Variants in MTMR14 observed in about 807,000 individuals in gnomAD.
MTMR14 encodes myotubularin related protein 14, also known as phosphatidylinositol-3,5-bisphosphate 3-phosphatase MTMR14.
In MTMR14, 48 loss-of-function variants were observed where a neutral mutation model predicts 86.3. The ratio of observed to expected loss-of-function variants is 0.56; its 90% CI spans 0.44 to 0.71. MTMR14 has a LOEUF of 0.71. Ranked by LOEUF, MTMR14 falls within the 30% of genes least tolerant of loss-of-function variation. The pLI is 0.00. For missense variants in MTMR14, 780 were observed against 834.6 expected, an observed-to-expected ratio of 0.93 and a Z score of 0.81; for synonymous variants, 366 against 326.1, an observed-to-expected ratio of 1.12 and a Z score of -1.32.
intron 3 of MTMR14, among the ~76,000 whole-genome samples, chr3:9,664,703 A>C (rs1280458599): frequency 1.3e-5 from 2 of 152,218 alleles, no homozygotes; most frequent in Admixed American, 6.5e-5. Flanking sequence ...AAATTAAAAC[A>C]ATTGAACTCA....
intron 17 of MTMR14, among the ~76,000 whole-genome samples, chr3:9,696,962 G>A (rs747627388): frequency 2.4e-4 from 37 of 152,130 alleles, no homozygotes; most frequent in Admixed American, 5.9e-4. Context: ...AGGGGGGTTG[G>A]CTGTGAGTGG....
rs553599437 is a variant in MTMR14 at position 9,687,812 on chromosome 3, C to T, written c.1165-9C>T. On this transcript the variant is annotated splice_polypyrimidine_tract_variant and intron_variant, in intron 13 of 18. Coordinates refer to ENST00000296003, the MANE Select transcript of MTMR14 (RefSeq NM_001077525.3). ...TTCTCATTGTGCGCTGCTCTTTGGTCTCCTTTAGATTTTCTTCTTCTGCTT... is the reference window on the plus strand; with the variant it reads ...TTCTCATTGTGCGCTGCTCTTTGGTTTCCTTTAGATTTTCTTCTTCTGCTT... 5 of 1,567,768 alleles carry T rather than the reference C, an allele frequency of 3.2e-6. No homozygotes were observed. The East Asian group carries it at 6.9e-5, about 22-fold the overall frequency.
At chr3:9,693,938 C>T (rs191715465) in intron 17 of MTMR14, among the ~76,000 whole-genome samples, 26 of 152,328 alleles carry the variant, frequency 1.7e-4, no homozygotes, top group South Asian at 1.0e-3. Flanking sequence ...TCTATTTCCC[C>T]GTAGTTTGTT....
intron 3 of MTMR14, among the ~76,000 whole-genome samples, chr3:9,663,662 C>T (rs1287973938): frequency 4.3e-5 from 6 of 140,562 alleles, no homozygotes; most frequent in African/African-American, 1.1e-4. Context: ...TACAGGCACC[C>T]GCCACCACGC....
Position 9,690,022 on chromosome 3 carries a change from G to A in MTMR14, c.1492G>A (p.Glu498Lys). ...CCTCTGGAACCGGCCACAACCCTCA[G>A]AGGACCGCTTGCCTTCCCAGCAGGG... ...SVLWNRPQPSEDRLPSQQGLA... is the reference protein window; with the variant it reads ...SVLWNRPQPSKDRLPSQQGLA... Residue 498 changes from glutamate to lysine, a missense_variant, in exon 17 of 19, where the codon GAG (glutamate) becomes AAG (lysine). Physicochemically the swap from Glu to Lys is moderately conservative, Grantham distance 56 (BLOSUM62 1). Coordinates refer to ENST00000296003, the MANE Select transcript of MTMR14 (RefSeq NM_001077525.3). 1.2e-6 allele frequency: 2 copies of A among 1,612,466 alleles called. No homozygotes were observed. The highest frequency in any genetic ancestry group is 1.7e-6 in the Non-Finnish European group (2 of 1,179,938).
At chr3:9,674,908 T>TC (rs1375403709) in intron 7 of MTMR14, among the ~76,000 whole-genome samples, 3 of 152,178 alleles carry the variant, frequency 2.0e-5, no homozygotes, top group Non-Finnish European at 4.4e-5. Context: ...GGTAGGGAGT[T>TC]CAAGACCAGC....
intron 3 of MTMR14, among the ~76,000 whole-genome samples, chr3:9,666,088 T>C (rs537355912): frequency 3.3e-5 from 5 of 152,050 alleles, no homozygotes; most frequent in African/African-American, 1.2e-4. Flanking sequence ...TAAAAACAAC[T>C]TTGAAATGAG....
intron 17 of MTMR14, among the ~76,000 whole-genome samples, chr3:9,693,117 C>T (rs1377154362): frequency 6.6e-6 from 1 of 152,130 alleles, no homozygotes; most frequent in Non-Finnish European, 1.5e-5. Context: ...TAACAGAAAA[C>T]ACATTTCAAA....
intron 9 of MTMR14, among the ~76,000 whole-genome samples, chr3:9,681,801 CT>C (rs1421782579): frequency 1.3e-5 from 2 of 151,964 alleles, no homozygotes; most frequent in Non-Finnish European, 2.9e-5. Context: ...AGAATGTGGA[CT>C]TTGGAGTCTG....
chr3:9,691,973 G>C (rs754734510), intron 17 of MTMR14, among the ~76,000 whole-genome samples: 1 of 152,182 alleles, frequency 6.6e-6, no homozygotes, highest in Non-Finnish European at 1.5e-5. Flanking sequence ...TTGGATGCCT[G>C]TTGGTCAGAG....
chr3:9,695,781 C>A (rs1331489996), intron 17 of MTMR14, among the ~76,000 whole-genome samples: 2 of 152,194 alleles, frequency 1.3e-5, no homozygotes, highest in Non-Finnish European at 2.9e-5. Flanking sequence ...GCTGCTAGAA[C>A]TGGAAAAGAT....
chr3:9,698,611 C>T (rs917912084), intron 18 of MTMR14, among the ~76,000 whole-genome samples: 6 of 152,194 alleles, frequency 3.9e-5, no homozygotes, highest in Non-Finnish European at 8.8e-5. Flanking sequence ...CCACCAGCAC[C>T]GCAATCCAGC....
chr3:9,668,719 C>A lies in MTMR14; in HGVS notation c.418C>A (p.His140Asn), dbSNP rs1559576677. 6.2e-7 allele frequency: 1 copy of A among 1,614,136 alleles called. No homozygotes were observed. Among genetic ancestry groups the A allele is most frequent in the South Asian group, 1.1e-5 (1 of 91,082 alleles). ...CGTGAAAATGATGTTTCTCTCCCAG[C>A]ACATTTGCAGGTCGGCCACACTGGC... is the stretch of plus-strand genomic sequence containing the variant. ...VCPVILFKGK[H>N]ICRSATLAGW... The change falls in exon 4 of 19, where the codon CAC (histidine) becomes AAC (asparagine). Residue 140 changes from histidine to asparagine, a missense_variant and splice_region_variant. Coordinates refer to ENST00000296003, the MANE Select transcript of MTMR14 (RefSeq NM_001077525.3).
chr3:9,673,544 CCT>C (rs376616840), intron 7 of MTMR14, among the ~76,000 whole-genome samples: 2 of 152,304 alleles, frequency 1.3e-5, no homozygotes, highest in African/African-American at 4.8e-5. Context: ...CTCCTTAAAA[CCT>C]CTCTCCTATT....
chr3:9,678,153 C>A, intron 9 of MTMR14, 95 bp downstream of exon 9: 1 of 1,292,284 alleles, frequency 7.7e-7, no homozygotes, highest in Non-Finnish European at 1.1e-6. Flanking sequence ...GTGTGTTTGC[C>A]TGATGGGCTG....
intron 1 of MTMR14, among the ~76,000 whole-genome samples, chr3:9,652,854 C>G (rs1400206331): frequency 6.6e-6 from 1 of 151,650 alleles, no homozygotes; most frequent in African/African-American, 2.4e-5. Context: ...GCCAAATATG[C>G]TCACTTGAAC....
intron 2 of MTMR14, among the ~76,000 whole-genome samples, chr3:9,655,140 G>T (rs971066000): frequency 1.3e-5 from 2 of 152,130 alleles, no homozygotes; most frequent in African/African-American, 4.8e-5. Context: ...CCTCCTTTGG[G>T]TGGATCACCT....
Position 9,689,016 on chromosome 3 carries a change from C to A in MTMR14, c.1367C>A (p.Ala456Asp), listed in dbSNP as rs1174283097. Residue 456 changes from alanine to aspartate, a missense_variant, in exon 16 of 19, where the codon GCC (alanine) becomes GAC (aspartate). Transcript: ENST00000296003. The part of the protein sequence containing the change: ...FSLVMESSPG[A>D]TGSFTYEAVE... The stretch of plus-strand genomic sequence containing the variant: ...CTGGTCATGGAGAGTTCCCCAGGAG[C>A]CACTGGGAGCTTCACCTATGAGGCC... 1.2e-6 allele frequency: 2 copies of A among 1,613,794 alleles called. No individual in the cohort carries two copies. Among genetic ancestry groups the A allele is most frequent in the African/African-American group, 2.7e-5 (2 of 74,938 alleles).
At chr3:9,668,897 T>C (rs1441215621) in intron 4 of MTMR14, 103 bp downstream of exon 4, 1 of 1,222,900 alleles carries the variant, frequency 8.2e-7, no homozygotes, top group Non-Finnish European at 1.2e-6. Context: ...CTCAACACTT[T>C]GGGAGGCCAA....
Sources: allele counts gnomAD v4.1 joint callset (sites outside exome capture counted in the v4.1 genomes callset), GRCh38; gene constraint gnomAD v4.1.1; transcripts MANE v1.5; gene names NCBI Gene and HGNC (gene_info 2026-07-23, HGNC 2026-07-21).